The following MAP3K6 variants were observed in gnomAD, a reference collection of about 807,000 sequenced individuals.
The protein encoded by MAP3K6 is mitogen-activated protein kinase kinase kinase 6.
Under a neutral mutation model 147.1 loss-of-function variants are expected in MAP3K6, and 105 were observed. The ratio of observed to expected loss-of-function variants is 0.71; its 90% CI spans 0.61 to 0.84. The LOEUF is 0.84. MAP3K6 is among the 40% of genes least tolerant of loss of function. The pLI, the probability that MAP3K6 is intolerant of heterozygous loss-of-function variation, is 0.00. For synonymous variants in MAP3K6, 695 were observed against 732.4 expected (o/e 0.95, Z 0.82); for missense variants, 1,569 against 1,715.0 (o/e 0.91, Z 1.50).
In MAP3K6 at chr1:27,358,127, G is replaced by A; in HGVS notation, c.2915+54C>T. ...CCCAGGGAGGGCTTTTGTAGGAGAG[G>A]AGAAAAAGGCAAAACCAGGCAAAAG... is the stretch of plus-strand genomic sequence containing the variant. On this transcript the variant is annotated intron_variant, in intron 21 of 28. Transcript: ENST00000357582. The surrounding 1 kb of genome is among the most constrained non-coding windows in gnomAD (Gnocchi z 6.2). The A allele has an allele frequency of 1.3e-6, 2 of 1,532,388 alleles. No homozygotes were observed. The highest frequency in any genetic ancestry group is 2.2e-4 in the Middle Eastern group (1 of 4,538). The allele number at this position is 1,532,388 out of a possible 1,614,324, so 94.9% of individuals were successfully genotyped here.
Position 27,360,512 on chromosome 1 carries a change from A to G in MAP3K6, c.2055-144T>C. Reference sequence around the variant, plus strand: ...TCCCCACCCTTACTACCCTGCCCACAGGACCCTCCAGACCTCAATCCCGCC... The same window carrying G: ...TCCCCACCCTTACTACCCTGCCCACGGGACCCTCCAGACCTCAATCCCGCC... On this transcript the variant is annotated intron_variant, in intron 15 of 28. Transcript: ENST00000357582. The surrounding 1 kb of genome is among the most constrained non-coding windows in gnomAD (Gnocchi z 4.5). 9.2e-7 allele frequency: 1 copy of G among 1,092,760 alleles called. No individual in the cohort carries two copies. Among genetic ancestry groups the G allele is most frequent in the Non-Finnish European group, 1.2e-6 (1 of 855,386 alleles). 67.7% of individuals were successfully genotyped at this position (1,092,760 alleles called of 1,614,324 possible).
intron 27 of MAP3K6, 111 bp from the exon 28 acceptor site, chr1:27,355,856 A>C: frequency 8.5e-7 from 1 of 1,180,428 alleles, no homozygotes; most frequent in Non-Finnish European, 1.2e-6. Context: ...GGCAGATCAC[A>C]CCCTTCTGGG....
In MAP3K6 at chr1:27,361,785, G is replaced by A. The variant is rs754864528; in HGVS notation, c.1498C>T (p.Arg500Cys). 9.3e-6 allele frequency: 15 copies of A among 1,611,730 alleles called. No homozygotes were observed. Among genetic ancestry groups the A allele is most frequent in the East Asian group, 4.5e-5 (2 of 44,870 alleles). Residue 500 changes from arginine to cysteine, a missense_variant, in exon 10 of 29, where the codon CGT becomes TGT. Physicochemically the swap from Arg to Cys is radical, Grantham distance 180 (BLOSUM62 -3). Transcript: ENST00000357582. ...AAGAAGTGGAGCCAGAAGTGGGCAC[G>A]GCGTGGTGGCCCTCCAGGGGGCTCT... ...TPEPPGGPPR[R>C]AHFWLHFLLQ...
In MAP3K6 at chr1:27,366,286, G is replaced by C; in HGVS notation, c.312C>G (p.Thr104=). The C allele has an allele frequency of 7.5e-7, 1 of 1,336,354 alleles. No individual in the cohort carries two copies. Among genetic ancestry groups the C allele is most frequent in the Non-Finnish European group, 9.6e-7 (1 of 1,044,598 alleles). 82.8% of individuals were successfully genotyped at this position (1,336,354 alleles called of 1,614,324 possible). ...LPFGTLELGD[T]AALDAFYNAD... ...CGTTGTAGAAGGCATCCAGAGCCGCGGTGTCGCCTAGCTCCAGCGTCCCGA... is the reference window on the plus strand; with the variant it reads ...CGTTGTAGAAGGCATCCAGAGCCGCCGTGTCGCCTAGCTCCAGCGTCCCGA... Residue 104 remains threonine (T), a synonymous_variant, in exon 1 of 29, where the codon ACC becomes ACG. Coordinates refer to ENST00000357582, the MANE Select transcript of MAP3K6 (RefSeq NM_004672.5). This position sits in a 1 kb window ranked among gnomAD's most constrained non-coding sequence, Gnocchi z 5.5.
rs748498714 is a variant in MAP3K6 at position 27,361,174 on chromosome 1, G to T, written c.1815C>A (p.Ser605Arg). The T allele has an allele frequency of 4.3e-6, 7 of 1,611,620 alleles. No individual in the cohort carries two copies. The highest frequency in any genetic ancestry group is 1.3e-5 in the African/African-American group (1 of 75,046). ...CTGCGCACCACTGGCAGTGCCCTAC[G>T]CTGGGGAAGCACAGCTGGACGTCCT... is the stretch of plus-strand genomic sequence containing the variant. Reference protein sequence around the residue: ...PAQDVQLCFPSVGHCQWFCGL... With the variant: ...PAQDVQLCFPRVGHCQWFCGL... The change falls in exon 13 of 29, where the codon AGC becomes AGA. Residue 605 changes from serine to arginine, a missense_variant. Transcript: ENST00000357582.
At position 27,359,696 on chromosome 1, in the gene MAP3K6, A is replaced by G. The variant is rs1458709483; in HGVS notation, c.2319+162T>C. Reference sequence around the variant, plus strand: ...GAGCTGACAATTGGTTTGGCTTCAGAGCTGAACCTTTCCCCTCCTTCTCTA... The same window carrying G: ...GAGCTGACAATTGGTTTGGCTTCAGGGCTGAACCTTTCCCCTCCTTCTCTA... On this transcript the variant is annotated intron_variant, in intron 17 of 28. Coordinates refer to ENST00000357582, the MANE Select transcript of MAP3K6 (RefSeq NM_004672.5). This position sits in a 1 kb window ranked among gnomAD's most constrained non-coding sequence, Gnocchi z 4.4. 3.5e-6 allele frequency: 3 copies of G among 868,286 alleles called. No individual in the cohort carries two copies. In the African/African-American group the frequency reaches 5.5e-5, roughly 16 times the overall value. 53.8% of individuals were successfully genotyped at this position (868,286 alleles called of 1,614,324 possible).
chr1:27,361,906 C>G, intron 9 of MAP3K6, 39 bp from the exon 10 acceptor site: 1 of 1,505,984 alleles, frequency 6.6e-7, no homozygotes, highest in Non-Finnish European at 8.9e-7. Context: ...GCCCAGGCAC[C>G]AACCAGCACT....
In MAP3K6 at chr1:27,360,073, C is replaced by T. The variant is rs1180731146; in HGVS notation, c.2183-79G>A. 6.3e-7 allele frequency: 1 copy of T among 1,596,648 alleles called. No individual in the cohort carries two copies. Among genetic ancestry groups the T allele is most frequent in the Non-Finnish European group, 8.6e-7 (1 of 1,168,418 alleles). ...TCTCTCTGCTCAAGGCCCAGACACA[C>T]CCATGTTGTAGCCCAACTCCATCAC... On this transcript the variant is annotated intron_variant, in intron 16 of 28. Coordinates refer to ENST00000357582, the MANE Select transcript of MAP3K6 (RefSeq NM_004672.5). This position sits in a 1 kb window ranked among gnomAD's most constrained non-coding sequence, Gnocchi z 4.5.
Position 27,358,695 on chromosome 1 carries a change from C to G in MAP3K6, c.2583+14G>C. 1 of 1,613,678 alleles carries G rather than the reference C, an allele frequency of 6.2e-7. No individual in the cohort carries two copies. The highest frequency in any genetic ancestry group is 8.5e-7 in the Non-Finnish European group (1 of 1,179,994). On this transcript the variant is annotated intron_variant, in intron 19 of 28. Coordinates refer to ENST00000357582, the MANE Select transcript of MAP3K6 (RefSeq NM_004672.5). The surrounding 1 kb of genome is among the most constrained non-coding windows in gnomAD (Gnocchi z 6.2). ...CTATGCCACTTCCATGGGCCAGGCC[C>G]AAAGAGGTCTCACCTGAAACATGGC...
Position 27,357,055 on chromosome 1 carries a change from T to G in MAP3K6, c.3318A>C (p.Ser1106=). The G allele has an allele frequency of 6.2e-7, 1 of 1,614,036 alleles. No homozygotes were observed. The highest frequency in any genetic ancestry group is 1.6e-4 in the Middle Eastern group (1 of 6,062). ...IRPHWMFVLD[S]LLSRAVRAAL... ...CTGCCCGCACAGCACGGCTGAGCAGTGAGTCCAGAACGAACATCCAGTGTG... is the reference window on the plus strand; with the variant it reads ...CTGCCCGCACAGCACGGCTGAGCAGGGAGTCCAGAACGAACATCCAGTGTG... Residue 1106 remains serine (S), a synonymous_variant, in exon 24 of 29, where the codon TCA becomes TCC. Transcript: ENST00000357582.
intron 8 of MAP3K6, 21 bp downstream of exon 8, chr1:27,362,620 A>C: frequency 2.6e-6 from 4 of 1,531,584 alleles, no homozygotes; most frequent in Non-Finnish European, 3.5e-6. Context: ...TGACGAGACA[A>C]GAGCCAGGAT....
rs375378995 is a variant in MAP3K6, at chr1:27,362,773, C to T, written c.1143-20G>A. On this transcript the variant is annotated intron_variant, in intron 7 of 28. Coordinates refer to ENST00000357582, the MANE Select transcript of MAP3K6 (RefSeq NM_004672.5). ...CGATACCTGGGGTGGGGGTAGGGGGCACAGGGCTGGACTGATGCCCACAGC... is the reference window on the plus strand; with the variant it reads ...CGATACCTGGGGTGGGGGTAGGGGGTACAGGGCTGGACTGATGCCCACAGC... 1 of 1,611,968 alleles carries T rather than the reference C, an allele frequency of 6.2e-7. No individual in the cohort carries two copies. Among genetic ancestry groups the T allele is most frequent in the Non-Finnish European group, 8.5e-7 (1 of 1,178,730 alleles).
rs997812162 is a variant in MAP3K6 at position 27,360,803 on chromosome 1, C to G, written c.1956G>C (p.Leu652=). The change falls in exon 15 of 29, where the codon CTG becomes CTC. Residue 652 remains leucine, a synonymous_variant. Coordinates refer to ENST00000357582, the MANE Select transcript of MAP3K6 (RefSeq NM_004672.5). The surrounding 1 kb of genome is among the most constrained non-coding windows in gnomAD (Gnocchi z 4.5). Reference sequence around the variant, plus strand: ...CCCCATACGTGCCCTTGCCCAGCACCAGCCGCTCGCCCGTCTCCGTGTACT... The same window carrying G: ...CCCCATACGTGCCCTTGCCCAGCACGAGCCGCTCGCCCGTCTCCGTGTACT... ...DYEYTETGER[L]VLGKGTYGVV... is the part of the protein sequence containing the mutation. 2.5e-6 allele frequency: 4 copies of G among 1,612,800 alleles called. No individual in the cohort carries two copies. Among genetic ancestry groups the G allele is most frequent in the Non-Finnish European group, 3.4e-6 (4 of 1,179,898 alleles).
At position 27,364,548 on chromosome 1, in the gene MAP3K6, T is replaced by C. The variant is rs548435009; in HGVS notation, c.504+113A>G. On this transcript the variant is annotated intron_variant, in intron 3 of 28. Coordinates refer to ENST00000357582, the MANE Select transcript of MAP3K6 (RefSeq NM_004672.5). This position sits in a 1 kb window ranked among gnomAD's most constrained non-coding sequence, Gnocchi z 4.4. ...GAGGCAACAGGAAACAGAGGAATAC[T>C]TGGGATGTCAGTGGGGGGTTAGGTG... 2.6e-6 allele frequency: 4 copies of C among 1,561,018 alleles called. No homozygotes were observed. In the East Asian group the frequency reaches 9.0e-5, roughly 35 times the overall value.
Position 27,360,665 on chromosome 1 carries a change from C to A in MAP3K6, c.2054+40G>T, listed in dbSNP as rs368516431. On this transcript the variant is annotated intron_variant, in intron 15 of 28. Transcript: ENST00000357582. The surrounding 1 kb of genome is among the most constrained non-coding windows in gnomAD (Gnocchi z 4.5). Reference sequence around the variant, plus strand: ...CTCGTGGCCCGGCTCACTCGGCCCTCGCGAGCCCTCAGCCCCACCCGCGCT... The same window carrying A: ...CTCGTGGCCCGGCTCACTCGGCCCTAGCGAGCCCTCAGCCCCACCCGCGCT... 2 of 1,587,302 alleles carry A rather than the reference C, an allele frequency of 1.3e-6. No homozygotes were observed. Among genetic ancestry groups the A allele is most frequent in the Non-Finnish European group, 1.7e-6 (2 of 1,167,558 alleles).
At position 27,355,681 on chromosome 1, in the gene MAP3K6, TAGATG is replaced by T; in HGVS notation, c.3771_3775del (p.Ile1258HisfsTer34). On this transcript the variant is annotated frameshift_variant, in exon 28 of 29. Coordinates refer to ENST00000357582, the MANE Select transcript of MAP3K6 (RefSeq NM_004672.5). LOFTEE classifies it high-confidence loss of function. ...GCCCAGGATGTACCTGATGCGGGTG[TAGATG>T]AGGTCATCTCGAGTGGCATAGGTGA... 6.2e-7 allele frequency: 1 copy of T among 1,613,740 alleles called. No individual in the cohort carries two copies. The highest frequency in any genetic ancestry group is 8.5e-7 in the Non-Finnish European group (1 of 1,180,008).
intron 27 of MAP3K6, 124 bp downstream of exon 27, chr1:27,355,902 A>G: frequency 8.9e-7 from 1 of 1,129,600 alleles, no homozygotes; most frequent in South Asian, 1.4e-5. Flanking sequence ...GGACGAGAAT[A>G]CTAAGTGTTC....
Position 27,361,139 on chromosome 1 carries a change from C to T in MAP3K6, c.1832+18G>A, listed in dbSNP as rs764858859. 7 of 1,595,034 alleles carry T rather than the reference C, an allele frequency of 4.4e-6. No homozygotes were observed. In the East Asian group the frequency reaches 1.1e-4, roughly 26 times the overall value. On this transcript the variant is annotated intron_variant, in intron 13 of 28. Coordinates refer to ENST00000357582, the MANE Select transcript of MAP3K6 (RefSeq NM_004672.5). ...CATCCTGGCCCTCAGAGTACCCCGA[C>T]CATGAAAGGCTGCGCACCACTGGCA...
chr1:27,360,567 C>G lies in MAP3K6; in HGVS notation c.2054+138G>C. 1 of 1,409,674 alleles carries G rather than the reference C, an allele frequency of 7.1e-7. No homozygotes were observed. Among genetic ancestry groups the G allele is most frequent in the Non-Finnish European group, 9.4e-7 (1 of 1,063,178 alleles). The allele number at this position is 1,409,674 out of a possible 1,614,324, so 87.3% of individuals were successfully genotyped here. ...CGGTCCTGGCTGTTCCGCCCACGGG[C>G]CCAGTCCACAGGGCTCGAACTCTCA... On this transcript the variant is annotated intron_variant, in intron 15 of 28. Transcript: ENST00000357582. The surrounding 1 kb of genome is among the most constrained non-coding windows in gnomAD (Gnocchi z 4.5).
Sources: allele counts gnomAD v4.1 joint callset, GRCh38; gene constraint gnomAD v4.1.1; non-coding constraint Gnocchi (gnomAD v3.1); transcripts MANE v1.5; gene names NCBI Gene and HGNC (gene_info 2026-07-23, HGNC 2026-07-21).